Variants in EYS observed in about 807,000 individuals in gnomAD.
EYS encodes EGF-like photoreceptor maintenance factor.
In EYS, 250 loss-of-function variants were observed where a neutral mutation model predicts 282.1. The ratio of observed to expected loss-of-function variants is 0.89; its 90% CI spans 0.80 to 0.98. The LOEUF (loss-of-function observed/expected upper bound fraction) is 0.98, where lower values mean the gene tolerates loss of function less well. Among genes scored for constraint, EYS ranks in the 50% least tolerant of loss-of-function variants. The pLI, the probability that EYS is intolerant of heterozygous loss-of-function variation, is 0.00. For synonymous variants in EYS, 1,355 were observed against 1,282.9 expected (o/e 1.06, Z -1.20); for missense variants, 4,016 against 3,709.0 (o/e 1.08, Z -2.15).
At chr6:65,144,147 C>T (rs1044113576) in intron 12 of EYS, among the ~76,000 whole-genome samples, 2 of 152,062 alleles carry the variant, frequency 1.3e-5, no homozygotes, top group African/African-American at 4.8e-5. Flanking sequence ...CTGAGCACTT[C>T]AGAGCTTCAG....
intron 36 of EYS, among the ~76,000 whole-genome samples, chr6:63,812,277 G>T (rs1413742427): frequency 6.6e-6 from 1 of 152,106 alleles, no homozygotes; most frequent in Non-Finnish European, 1.5e-5. Context: ...TTCTGCTCCT[G>T]TTCCCGGTGC....
chr6:64,424,097 C>T (rs1774323754), intron 28 of EYS, among the ~76,000 whole-genome samples: 1 of 152,086 alleles, frequency 6.6e-6, no homozygotes, highest in Admixed American at 6.6e-5. Context: ...ATAACATATT[C>T]TTCAACTATA....
At chr6:64,178,988 T>C (rs1190713800) in intron 31 of EYS, among the ~76,000 whole-genome samples, 1 of 151,932 alleles carries the variant, frequency 6.6e-6, no homozygotes, top group Non-Finnish European at 1.5e-5. Context: ...AATAAACTTG[T>C]AATAGTCAGC....
intron 1 of EYS, among the ~76,000 whole-genome samples, chr6:65,686,603 T>C (rs142841110): frequency 6.3e-4 from 96 of 152,282 alleles, no homozygotes; most frequent in African/African-American, 2.1e-3. Context: ...TTCATATGTT[T>C]GTTAAACAAA....
intron 35 of EYS, among the ~76,000 whole-genome samples, chr6:63,891,632 T>C (rs1773411343): frequency 6.6e-6 from 1 of 152,212 alleles, no homozygotes. Flanking sequence ...CCAATCATAC[T>C]GAATGGGCAA....
intron 19 of EYS, among the ~76,000 whole-genome samples, chr6:64,852,813 C>T (rs1157284674): frequency 6.6e-6 from 1 of 152,088 alleles, no homozygotes; most frequent in Non-Finnish European, 1.5e-5. Context: ...AGGAGAGAGT[C>T]ATGGAACAGA....
chr6:65,562,113 A>G (rs80255373), intron 2 of EYS, among the ~76,000 whole-genome samples: 2,064 of 151,942 alleles, frequency 0.014, 53 homozygotes, highest in African/African-American at 0.047. Flanking sequence ...ATGTTTAGTA[A>G]AGACAAGAAA....
At chr6:64,868,030 T>C (rs1007046752) in intron 19 of EYS, among the ~76,000 whole-genome samples, 1 of 151,444 alleles carries the variant, frequency 6.6e-6, no homozygotes. Flanking sequence ...CCATGGATTG[T>C]TCGAATACTC....
chr6:65,340,869 C>T (rs923530668), intron 10 of EYS, among the ~76,000 whole-genome samples: 1 of 150,920 alleles, frequency 6.6e-6, no homozygotes, highest in East Asian at 2.0e-4. Context: ...TTAAAATGCC[C>T]TCACTCTCAA....
chr6:63,925,632 T>A (rs1764693017), intron 35 of EYS, among the ~76,000 whole-genome samples: 1 of 152,206 alleles, frequency 6.6e-6, no homozygotes, highest in Non-Finnish European at 1.5e-5. Context: ...TATCAACCTG[T>A]CATCTAGGTT....
chr6:64,188,255 A>G (rs1765003436), intron 31 of EYS, among the ~76,000 whole-genome samples: 1 of 151,980 alleles, frequency 6.6e-6, no homozygotes, highest in Admixed American at 6.6e-5. Context: ...TTGTCTCCCT[A>G]TCTGGTTTTA....
intron 26 of EYS, among the ~76,000 whole-genome samples, chr6:64,467,185 T>C (rs1056177500): frequency 1.3e-5 from 2 of 152,178 alleles, no homozygotes; most frequent in African/African-American, 4.8e-5. Flanking sequence ...GGAATGCTGA[T>C]ATTTATTAGT....
At chr6:64,100,012 C>T (rs924256520) in intron 31 of EYS, among the ~76,000 whole-genome samples, 4 of 151,956 alleles carry the variant, frequency 2.6e-5, no homozygotes, top group African/African-American at 4.8e-5. Flanking sequence ...GATGCTAAAC[C>T]GTCTCAGTTT....
intron 22 of EYS, among the ~76,000 whole-genome samples, chr6:64,782,416 A>T (rs1773889503): frequency 6.6e-6 from 1 of 152,216 alleles, no homozygotes; most frequent in Admixed American, 6.5e-5. Flanking sequence ...ATGAATATTA[A>T]TTGAGATTTA....
intron 12 of EYS, among the ~76,000 whole-genome samples, chr6:65,162,228 C>G (rs751044983): frequency 3.0e-4 from 45 of 151,176 alleles, no homozygotes; most frequent in Non-Finnish European, 5.9e-4. Context: ...CAGTTCTGTC[C>G]ATTTCTCAGG....
At chr6:64,895,951 C>G (rs1411527361) in intron 18 of EYS, among the ~76,000 whole-genome samples, 1 of 151,830 alleles carries the variant, frequency 6.6e-6, no homozygotes, top group Non-Finnish European at 1.5e-5. Context: ...AAACCATATA[C>G]TAAATAATAA....
intron 22 of EYS, among the ~76,000 whole-genome samples, chr6:64,782,214 A>G (rs1204850375): frequency 6.6e-6 from 1 of 152,268 alleles, no homozygotes; most frequent in African/African-American, 2.4e-5. Flanking sequence ...CATACTTGTC[A>G]TCTGAGAGAA....
At chr6:65,492,332 G>GAAAA (rs35400995) in intron 4 of EYS, among the ~76,000 whole-genome samples, 1 of 149,806 alleles carries the variant, frequency 6.7e-6, no homozygotes, top group African/African-American at 2.5e-5. Flanking sequence ...AAGAAAGAAA[G>GAAAA]AAACAAACAA....
chr6:63,756,118 A>C (rs1049001876), intron 41 of EYS, among the ~76,000 whole-genome samples: 6 of 152,060 alleles, frequency 3.9e-5, no homozygotes, highest in Non-Finnish European at 8.8e-5. Flanking sequence ...GAATACCTTT[A>C]TTTCTTTCTC....
Sources: gnomAD v4.1 joint callset for allele counts (sites outside exome capture counted in the v4.1 genomes callset) on GRCh38, gnomAD v4.1.1 for gene constraint, MANE v1.5 for transcripts, NCBI Gene and HGNC (gene_info 2026-07-23, HGNC 2026-07-21) for gene names.